Variants in DGKB observed in about 807,000 individuals in gnomAD.
DGKB encodes 90 kDa diacylglycerol kinase.
In DGKB, 67 loss-of-function variants were observed where a neutral mutation model predicts 114.3. The observed-to-expected ratio is 0.59, with a 90% CI of 0.48 to 0.72. The LOEUF (loss-of-function observed/expected upper bound fraction) is 0.72. DGKB is among the 30% of genes least tolerant of loss of function. DGKB has a pLI of 0.00. For missense variants in DGKB, 907 were observed against 975.2 expected (o/e 0.93, Z 0.93); for synonymous variants, 398 against 323.1 (o/e 1.23, Z -2.49).
chr7:14,842,680 G>C (rs954999727), intron 1 of DGKB, among the ~76,000 whole-genome samples: 4 of 152,204 alleles, frequency 2.6e-5, no homozygotes, highest in African/African-American at 9.6e-5. Context: ...AGTTTTGGTG[G>C]GACTGTGAAA....
At chr7:14,164,501 G>C (rs949480509) in intron 25 of DGKB, among the ~76,000 whole-genome samples, 3 of 152,174 alleles carry the variant, frequency 2.0e-5, no homozygotes, top group Non-Finnish European at 4.4e-5. Flanking sequence ...TAACTATGCG[G>C]ATAAACTTCA....
intron 5 of DGKB, among the ~76,000 whole-genome samples, chr7:14,726,365 C>T (rs1173111454): frequency 3.3e-5 from 5 of 151,934 alleles, no homozygotes; most frequent in Non-Finnish European, 7.4e-5. Flanking sequence ...GTTTCTAACT[C>T]CTGACCTCAG....
chr7:14,765,773 CTAAAAACTTCTAT>C (rs1276157513), intron 2 of DGKB, among the ~76,000 whole-genome samples: 6 of 151,904 alleles, frequency 3.9e-5, no homozygotes, highest in African/African-American at 1.4e-4. Context: ...TATACTATAA[CTAAAAACTTCTAT>C]TGAAAACATA....
intron 2 of DGKB, among the ~76,000 whole-genome samples, chr7:14,816,033 C>T (rs1844094534): frequency 6.6e-6 from 1 of 152,084 alleles, no homozygotes; most frequent in Non-Finnish European, 1.5e-5. Flanking sequence ...CCTATTCTTT[C>T]ATTAAAAATT....
At chr7:14,527,312 G>T (rs1384892100) in intron 20 of DGKB, among the ~76,000 whole-genome samples, 2 of 152,048 alleles carry the variant, frequency 1.3e-5, no homozygotes, top group African/African-American at 4.8e-5. Context: ...ACAGAATTGG[G>T]AATTTATTTA....
At chr7:14,274,622 C>A (rs1232337082) in intron 23 of DGKB, among the ~76,000 whole-genome samples, 3 of 152,130 alleles carry the variant, frequency 2.0e-5, no homozygotes, top group Non-Finnish European at 2.9e-5. Flanking sequence ...AAATATTCAT[C>A]TCTTACAGTT....
At chr7:14,688,587 C>CT (rs970748243) in intron 9 of DGKB, among the ~76,000 whole-genome samples, 8 of 152,068 alleles carry the variant, frequency 5.3e-5, no homozygotes, top group African/African-American at 1.9e-4. Context: ...AAAATGTGCT[C>CT]TTTTTTCATC....
At chr7:14,386,208 CATT>C (rs1259119833) in intron 21 of DGKB, among the ~76,000 whole-genome samples, 1 of 152,182 alleles carries the variant, frequency 6.6e-6, no homozygotes, top group African/African-American at 2.4e-5. Flanking sequence ...CATTTATAAT[CATT>C]GTTTTAAGCT....
At chr7:14,366,209 T>A (rs183111605) in intron 21 of DGKB, among the ~76,000 whole-genome samples, 14 of 152,284 alleles carry the variant, frequency 9.2e-5, no homozygotes. Context: ...GATTACAATT[T>A]TAAACTGTGT....
At chr7:14,573,946 T>C (rs1052159079) in intron 20 of DGKB, among the ~76,000 whole-genome samples, 1 of 152,070 alleles carries the variant, frequency 6.6e-6, no homozygotes, top group Non-Finnish European at 1.5e-5. Context: ...GTAACACAAA[T>C]AAACCAATTA....
intron 19 of DGKB, among the ~76,000 whole-genome samples, chr7:14,575,510 T>C (rs1333053035): frequency 1.3e-5 from 2 of 152,218 alleles, no homozygotes; most frequent in African/African-American, 4.8e-5. Flanking sequence ...TGAATCTTCC[T>C]CAACATTAGT....
At chr7:14,206,072 G>A (rs1786758973) in intron 23 of DGKB, among the ~76,000 whole-genome samples, 1 of 151,900 alleles carries the variant, frequency 6.6e-6, no homozygotes, top group Non-Finnish European at 1.5e-5. Context: ...ACTACAAAAT[G>A]TAAATTCTCT....
intron 20 of DGKB, among the ~76,000 whole-genome samples, chr7:14,489,691 ATG>A (rs1784338059): frequency 6.6e-6 from 1 of 152,206 alleles, no homozygotes; most frequent in African/African-American, 2.4e-5. Context: ...GAAGTGGGGA[ATG>A]ACCAAAGCGG....
chr7:14,695,660 C>G (rs998048594), intron 8 of DGKB, among the ~76,000 whole-genome samples: 1 of 151,776 alleles, frequency 6.6e-6, no homozygotes, highest in Non-Finnish European at 1.5e-5. Context: ...CCACTACGCC[C>G]GGCTGATTTT....
chr7:14,726,774 T>A (rs1191334225), intron 5 of DGKB, among the ~76,000 whole-genome samples: 2 of 152,236 alleles, frequency 1.3e-5, no homozygotes, highest in Admixed American at 1.3e-4. Flanking sequence ...TTATTGCTCA[T>A]CTGTGTTTTT....
At chr7:14,215,925 A>C (rs1367322400) in intron 23 of DGKB, among the ~76,000 whole-genome samples, 3 of 152,226 alleles carry the variant, frequency 2.0e-5, no homozygotes, top group South Asian at 4.1e-4. Flanking sequence ...CACTTTGTAT[A>C]TATGGCCTGG....
chr7:14,734,464 G>A (rs1372342643), intron 5 of DGKB, among the ~76,000 whole-genome samples: 1 of 152,126 alleles, frequency 6.6e-6, no homozygotes, highest in South Asian at 2.1e-4. Context: ...TTTCATAACG[G>A]TATTAAGATA....
chr7:14,601,957 C>T (rs1395321598), intron 17 of DGKB, among the ~76,000 whole-genome samples: 1 of 151,882 alleles, frequency 6.6e-6, no homozygotes, highest in Non-Finnish European at 1.5e-5. Context: ...CCTCCTCCTC[C>T]TCTACCTCCT....
intron 23 of DGKB, among the ~76,000 whole-genome samples, chr7:14,229,798 A>T (rs924736788): frequency 3.3e-5 from 5 of 152,018 alleles, no homozygotes; most frequent in Non-Finnish European, 7.4e-5. Flanking sequence ...TAAGTGTAAC[A>T]GGATAAATTA....
Sources: gnomAD v4.1 joint callset for allele counts (sites outside exome capture counted in the v4.1 genomes callset) on GRCh38, gnomAD v4.1.1 for gene constraint, MANE v1.5 for transcripts, NCBI Gene and HGNC (gene_info 2026-07-23, HGNC 2026-07-21) for gene names.